Variants in ALG9 observed in about 807,000 individuals in gnomAD.
The protein encoded by ALG9 is ALG9 alpha-1,2-mannosyltransferase, also known as alpha-1,2-mannosyltransferase ALG9.
In ALG9, 55 loss-of-function variants were observed where a neutral mutation model predicts 81.8. The observed-to-expected ratio is 0.67, with a 90% CI of 0.54 to 0.84. The LOEUF is 0.84. ALG9 is among the 40% of genes least tolerant of loss of function. The probability of loss-of-function intolerance (pLI) is 0.00; values close to 1 mark genes in which losing one functional copy is unlikely to be tolerated. For missense variants in ALG9, 629 were observed against 745.0 expected (o/e 0.84, Z 1.81); for synonymous variants, 278 against 274.3 (o/e 1.01, Z -0.13).
rs2136811782 is a variant in ALG9, at chr11:111,836,416, C to T, written c.1473-122G>A. Reference sequence around the variant, plus strand: ...TTCTCTTGAAGAAAAAATATTTCTGCTAAAACCTCAACCAGGGAGCACAGA... The same window carrying T: ...TTCTCTTGAAGAAAAAATATTTCTGTTAAAACCTCAACCAGGGAGCACAGA... On this transcript the variant is annotated intron_variant, in intron 12 of 14. Transcript: ENST00000616540. 5 of 1,320,348 alleles carry T rather than the reference C, an allele frequency of 3.8e-6. No homozygotes were observed. The East Asian group carries it at 1.3e-4, about 33-fold the overall frequency. 81.8% of individuals were successfully genotyped at this position (1,320,348 alleles called of 1,614,324 possible). A position where few individuals can be genotyped will look rare whatever the true frequency, so the allele number is the denominator to read the frequency against.
At chr11:111,815,655 C>T (rs782419102) in intron 13 of ALG9, among the ~76,000 whole-genome samples, 5 of 151,948 alleles carry the variant, frequency 3.3e-5, no homozygotes, top group Non-Finnish European at 5.9e-5. Context: ...TGGGTTCTAC[C>T]ACAGACTGGC....
At chr11:111,799,509 T>C (rs1245156596) in intron 14 of ALG9, among the ~76,000 whole-genome samples, 2 of 151,978 alleles carry the variant, frequency 1.3e-5, no homozygotes, top group East Asian at 3.9e-4. Flanking sequence ...ACTACCCTGA[T>C]TGCTTCTCTT....
At position 111,838,389 on chromosome 11, in the gene ALG9, A is replaced by G. The variant is rs1290523367; in HGVS notation, c.1184T>C (p.Leu395Pro). 2 of 1,611,820 alleles carry G rather than the reference A, an allele frequency of 1.2e-6. No individual in the cohort carries two copies. The highest frequency in any genetic ancestry group is 2.7e-5 in the African/African-American group (2 of 74,902). Reference sequence around the variant, plus strand: ...AAAGTGGTAACATTTCTGGAAGTACAGAAAACTGTGCTGATAAAAGAAAAT... The same window carrying G: ...AAAGTGGTAACATTTCTGGAAGTACGGAAAACTGTGCTGATAAAAGAAAAT... ...VALSALQHSF[L>P]YFQKCYHFVF... is the part of the protein sequence containing the mutation. The change falls in exon 11 of 15, where the codon CTG becomes CCG. Residue 395 changes from leucine to proline, a missense_variant. Leu to Pro is a moderately conservative substitution (Grantham distance 98). Coordinates refer to ENST00000616540, the MANE Select transcript of ALG9 (RefSeq NM_024740.2).
intron 13 of ALG9, among the ~76,000 whole-genome samples, chr11:111,818,113 A>G (rs1193722553): frequency 4.6e-5 from 7 of 152,304 alleles, no homozygotes; most frequent in African/African-American, 1.7e-4. Context: ...AGTGACACCA[A>G]GATTTCTAAT....
intron 9 of ALG9, among the ~76,000 whole-genome samples, chr11:111,841,124 C>T (rs927675939): frequency 5.3e-5 from 8 of 151,986 alleles, no homozygotes; most frequent in Admixed American, 3.9e-4. Context: ...AAAAATAAGC[C>T]GTCTCCTTTA....
the ALG9 span, among the ~76,000 whole-genome samples, chr11:111,770,650 G>GATCA: frequency 1.3e-5 from 2 of 152,064 alleles, no homozygotes; most frequent in Non-Finnish European, 2.9e-5. Context: ...AGTGAGCTAT[G>GATCA]ATCACATCAC....
chr11:111,837,796 G>A (rs1205419653), intron 11 of ALG9, among the ~76,000 whole-genome samples, 181 bp from the exon 12 acceptor site: 3 of 152,188 alleles, frequency 2.0e-5, no homozygotes, highest in African/African-American at 7.2e-5. Context: ...CTGGGAACAC[G>A]GTTACAGCAG....
At chr11:111,849,089 C>T (rs782464968) in intron 8 of ALG9, among the ~76,000 whole-genome samples, 13 of 151,704 alleles carry the variant, frequency 8.6e-5, no homozygotes, top group Non-Finnish European at 1.8e-4. Context: ...CTCCCTCTGT[C>T]GCCCAGGCTG....
chr11:111,839,729 T>C (rs2136869096), intron 10 of ALG9, among the ~76,000 whole-genome samples: 1 of 152,316 alleles, frequency 6.6e-6, no homozygotes, highest in East Asian at 1.9e-4. Context: ...CTTTTACTAC[T>C]TCCTAAATTA....
At chr11:111,837,711 GA>G in intron 11 of ALG9, 96 bp from the exon 12 acceptor site, 1 of 1,420,348 alleles carries the variant, frequency 7.0e-7, no homozygotes, top group East Asian at 2.4e-5. Flanking sequence ...TAAGCCACAG[GA>G]AATTTAAAAG....
At chr11:111,775,957 A>C in the ALG9 span, among the ~76,000 whole-genome samples, 3 of 152,184 alleles carry the variant, frequency 2.0e-5, no homozygotes. Flanking sequence ...GACACTTAAT[A>C]ATATCTCCAA....
At chr11:111,811,134 ATG>A (rs1473214295) in intron 13 of ALG9, among the ~76,000 whole-genome samples, 1 of 152,266 alleles carries the variant, frequency 6.6e-6, no homozygotes, top group Non-Finnish European at 1.5e-5. Flanking sequence ...TCAATGTCAT[ATG>A]TTCCATAGCA....
rs1946196503 is a variant in ALG9, at chr11:111,783,937, A to AC, written c.*2459_*2460insG. On this transcript the variant is annotated 3_prime_UTR_variant, in exon 15 of 15. Coordinates refer to ENST00000616540, the MANE Select transcript of ALG9 (RefSeq NM_024740.2). ...GTTTTGTTTTTTTAAAAAAAAAAAAAAACAAGATGACAAAACAGATAAAAC... is the reference window on the plus strand; with the variant it reads ...GTTTTGTTTTTTTAAAAAAAAAAAAACAACAAGATGACAAAACAGATAAAAC... The AC allele has an allele frequency of 7.2e-6, 1 of 139,736 alleles. No individual in the cohort carries two copies. The highest frequency in any genetic ancestry group is 1.6e-5 in the Non-Finnish European group (1 of 62,536). The allele number at this position is 139,736 out of a possible 1,614,324, so 8.7% of individuals were successfully genotyped here.
At chr11:111,825,155 T>C (rs561848327) in intron 13 of ALG9, among the ~76,000 whole-genome samples, 4 of 152,212 alleles carry the variant, frequency 2.6e-5, no homozygotes, top group Non-Finnish European at 5.9e-5. Flanking sequence ...TGAGTCCTAA[T>C]TGGTCCAAAT....
rs1555158759 is a variant in ALG9, at chr11:111,871,372, G to A, written c.111C>T (p.Gly37=). 4 of 1,531,342 alleles carry A rather than the reference G, an allele frequency of 2.6e-6. No homozygotes were observed. Among genetic ancestry groups the A allele is most frequent in the Non-Finnish European group, 2.6e-6 (3 of 1,144,924 alleles). 94.9% of individuals were successfully genotyped at this position (1,531,342 alleles called of 1,614,324 possible). Residue 37 remains glycine (G), a synonymous_variant, in exon 1 of 15, where the codon GGC becomes GGT. Coordinates refer to ENST00000616540, the MANE Select transcript of ALG9 (RefSeq NM_024740.2). ...LRELLGSREA[G]GAEHRTELSG... is the part of the protein sequence containing the mutation. ...CGTACTCGGTCCGGTGCTCCGCGCC[G>A]CCCGCCTCTCGGCTGCCCAGCAGCT...
intron 1 of ALG9, 137 bp downstream of exon 1, chr11:111,871,215 A>T (rs1444764347): frequency 7.6e-7 from 1 of 1,311,946 alleles, no homozygotes; most frequent in Non-Finnish European, 9.6e-7. Context: ...AATAGGACCT[A>T]GCTGAAGAGG....
chr11:111,834,105 G>C (rs114541437), intron 13 of ALG9, among the ~76,000 whole-genome samples: 66 of 152,334 alleles, frequency 4.3e-4, no homozygotes, highest in African/African-American at 1.5e-3. Flanking sequence ...ATTTGATGTG[G>C]AAAGATATGA....
intron 14 of ALG9, 104 bp downstream of exon 14, chr11:111,809,539 C>G: frequency 1.5e-6 from 2 of 1,378,984 alleles, no homozygotes; most frequent in South Asian, 2.4e-5. Flanking sequence ...CACACACACA[C>G]GATGGCTACT....
chr11:111,780,519 C>T (rs992309640), downstream of ALG9, among the ~76,000 whole-genome samples: 6 of 151,964 alleles, frequency 3.9e-5, no homozygotes, highest in Non-Finnish European at 8.8e-5. Flanking sequence ...GTCTCAGCCT[C>T]CCAAGTAGCT....
Sources: allele counts gnomAD v4.1 joint callset (sites outside exome capture counted in the v4.1 genomes callset), GRCh38; gene constraint gnomAD v4.1.1; transcripts MANE v1.5; gene names NCBI Gene and HGNC (gene_info 2026-07-23, HGNC 2026-07-21).